Variants in TCEANC2 observed in about 807,000 individuals in gnomAD.
The protein encoded by TCEANC2 is transcription elongation factor A N-terminal and central domain-containing protein 2.
TCEANC2 carries 20 observed loss-of-function variants against 22.8 expected under a neutral mutation model. That is an observed-to-expected ratio of 0.88 (90% CI 0.62 to 1.28). TCEANC2 has a LOEUF of 1.28. Ranked by LOEUF, TCEANC2 falls within the 50% of genes most tolerant of loss-of-function variation. TCEANC2 has a pLI of 0.00. For synonymous variants in TCEANC2, 84 were observed against 95.5 expected (o/e 0.88, Z 0.70); for missense variants, 251 against 249.7 (o/e 1.01, Z -0.03).
At chr1:54,078,350 C>T (rs1023880243) in intron 3 of TCEANC2, among the ~76,000 whole-genome samples, 3 of 152,150 alleles carry the variant, frequency 2.0e-5, no homozygotes, top group Non-Finnish European at 4.4e-5. Context: ...TAAGTTAGCA[C>T]CAGAGATGTA....
chr1:54,108,829 G>A (rs563888641), downstream of TCEANC2, among the ~76,000 whole-genome samples: 8 of 152,196 alleles, frequency 5.3e-5, no homozygotes, highest in South Asian at 6.2e-4. Flanking sequence ...AAAATTAGCC[G>A]GGCATGGTGG....
chr1:54,110,325 G>A (rs1374042780), downstream of TCEANC2, among the ~76,000 whole-genome samples: 1 of 152,314 alleles, frequency 6.6e-6, no homozygotes, highest in Non-Finnish European at 1.5e-5. Flanking sequence ...GGGTCTGGGT[G>A]TGGTGGCTCA....
At chr1:54,065,554 C>CA (rs963761417) in intron 2 of TCEANC2, among the ~76,000 whole-genome samples, 25 of 151,654 alleles carry the variant, frequency 1.6e-4, no homozygotes, top group South Asian at 4.2e-4. Context: ...CCCACATCTA[C>CA]AAAAAAAATT....
intron 2 of TCEANC2, among the ~76,000 whole-genome samples, chr1:54,056,911 G>T (rs1382734959): frequency 6.6e-6 from 1 of 151,818 alleles, no homozygotes; most frequent in Non-Finnish European, 1.5e-5. Flanking sequence ...GTATGGTGGG[G>T]AGCGCCTGTA....
At chr1:54,057,347 ATTTTTTT>A (rs1163556776) in intron 2 of TCEANC2, among the ~76,000 whole-genome samples, 50 of 85,946 alleles carry the variant, frequency 5.8e-4, no homozygotes, top group Non-Finnish European at 8.7e-4. Flanking sequence ...CACCTGGCTA[ATTTTTTT>A]TTTTTTTTTT....
chr1:54,081,904 C>T (rs768732727), intron 3 of TCEANC2, among the ~76,000 whole-genome samples: 3 of 152,196 alleles, frequency 2.0e-5, no homozygotes, highest in African/African-American at 7.2e-5. Flanking sequence ...TTCTGTCCTT[C>T]GGCCACCTCT....
At chr1:54,055,824 A>T (rs1365366373) in intron 2 of TCEANC2, among the ~76,000 whole-genome samples, 1 of 152,220 alleles carries the variant, frequency 6.6e-6, no homozygotes, top group Non-Finnish European at 1.5e-5. Flanking sequence ...TTTAGTAGCA[A>T]GTCAGTCCCT....
At chr1:54,056,262 A>G (rs1197062424) in intron 2 of TCEANC2, among the ~76,000 whole-genome samples, 1 of 152,178 alleles carries the variant, frequency 6.6e-6, no homozygotes, top group Non-Finnish European at 1.5e-5. Context: ...GTTGAACTAC[A>G]TATACACTCA....
intron 3 of TCEANC2, among the ~76,000 whole-genome samples, chr1:54,080,288 C>T (rs1570011034): frequency 2.0e-5 from 3 of 151,930 alleles, no homozygotes; most frequent in South Asian, 4.2e-4. Context: ...GGATTACAGG[C>T]GTGCACCACC....
downstream of TCEANC2, among the ~76,000 whole-genome samples, chr1:54,106,894 T>C (rs921066299): frequency 1.3e-5 from 2 of 152,190 alleles, no homozygotes; most frequent in African/African-American, 4.8e-5. Context: ...TTCGGAGTTA[T>C]TTTAGATACA....
chr1:54,106,981 TGTG>T (rs1321236126), downstream of TCEANC2, among the ~76,000 whole-genome samples: 2 of 152,232 alleles, frequency 1.3e-5, no homozygotes, highest in Admixed American at 1.3e-4. Context: ...CTTACAATAG[TGTG>T]GTACATCTGT....
At position 54,097,849 on chromosome 1, in the gene TCEANC2, G is replaced by A. The variant is rs7538004; in HGVS notation, c.*1376G>A. ...CAATTTCCTACTGCTAGTAACTATT[G>A]GAGCTAGAATAATAATAATCGAGCG... is the stretch of plus-strand genomic sequence containing the variant. On this transcript the variant is annotated 3_prime_UTR_variant, in exon 5 of 5. Coordinates refer to ENST00000234827, the MANE Select transcript of TCEANC2 (RefSeq NM_153035.3). The A allele has an allele frequency of 0.091, 13,775 of 152,142 alleles. 1,445 individuals are homozygous for A. Among genetic ancestry groups the A allele is most frequent in the African/African-American group, 0.26 (10,772 of 41,448 alleles). The allele number at this position is 152,142 out of a possible 1,614,324, so 9.4% of individuals were successfully genotyped here. A position where few individuals can be genotyped will look rare whatever the true frequency, so the allele number is the denominator to read the frequency against.
chr1:54,065,636 T>G lies in TCEANC2; in HGVS notation c.103-3120T>G, dbSNP rs1354833611. The stretch of plus-strand genomic sequence containing the variant: ...GGGAGACTGAGGTGGGAGGACCACT[T>G]GAGCCCAGGAGATCGAGGCTGCAGT... On this transcript the variant is annotated intron_variant, in intron 2 of 4. Transcript: ENST00000234827. Among the ~76,000 whole-genome samples the G allele has an allele frequency of 2.6e-5, 4 of 152,196 alleles. No individual in the cohort carries two copies. In the East Asian group the frequency reaches 7.7e-4, roughly 29 times the overall value.
chr1:54,064,333 C>A (rs1296086677), intron 2 of TCEANC2, among the ~76,000 whole-genome samples: 1 of 152,176 alleles, frequency 6.6e-6, no homozygotes, highest in Non-Finnish European at 1.5e-5. Flanking sequence ...CGTAAAGCAA[C>A]AAATGGAGCA....
At chr1:54,085,665 G>A (rs1658326583) in intron 3 of TCEANC2, among the ~76,000 whole-genome samples, 1 of 152,032 alleles carries the variant, frequency 6.6e-6, no homozygotes, top group African/African-American at 2.4e-5. Context: ...GAAGTATTTG[G>A]TTGTAATCTA....
intron 3 of TCEANC2, among the ~76,000 whole-genome samples, chr1:54,084,116 G>A (rs576105706): frequency 2.6e-5 from 4 of 151,776 alleles, no homozygotes; most frequent in East Asian, 1.9e-4. Flanking sequence ...AGGTTCAAGC[G>A]ATTCTCATGC....
At chr1:54,071,166 G>A (rs1470778471) in intron 3 of TCEANC2, among the ~76,000 whole-genome samples, 3 of 152,176 alleles carry the variant, frequency 2.0e-5, no homozygotes, top group Non-Finnish European at 4.4e-5. Context: ...TTCTTTGTAA[G>A]CCATTCAGAA....
intron 2 of TCEANC2, among the ~76,000 whole-genome samples, chr1:54,065,409 G>C (rs1657936428): frequency 1.3e-5 from 2 of 152,162 alleles, no homozygotes; most frequent in African/African-American, 2.4e-5. Context: ...ATTTCTGTTA[G>C]TATACATCTT....
At chr1:54,061,460 TGAG>T (rs1168552929) in intron 2 of TCEANC2, among the ~76,000 whole-genome samples, 1 of 152,124 alleles carries the variant, frequency 6.6e-6, no homozygotes, top group South Asian at 2.1e-4. Flanking sequence ...AAACCAAAGC[TGAG>T]GAGGAGGAGG....
Sources: allele counts gnomAD v4.1 joint callset (sites outside exome capture counted in the v4.1 genomes callset), GRCh38; gene constraint gnomAD v4.1.1; transcripts MANE v1.5; gene names NCBI Gene and HGNC (gene_info 2026-07-23, HGNC 2026-07-21).